Variants in MAP2K6 observed in about 807,000 individuals in gnomAD.
MAP2K6 encodes the protein dual specificity mitogen-activated protein kinase kinase 6.
MAP2K6 carries 16 observed loss-of-function variants against 53.7 expected under a neutral mutation model. The observed-to-expected ratio is 0.30, with a 90% CI of 0.20 to 0.45. MAP2K6 has a LOEUF of 0.45. Ranked by LOEUF, MAP2K6 falls within the 20% of genes least tolerant of loss-of-function variation. The pLI, the probability that MAP2K6 is intolerant of heterozygous loss-of-function variation, is 1.00. For missense variants in MAP2K6, 204 were observed against 411.9 expected (o/e 0.50, Z 4.37); for synonymous variants, 132 against 143.1 (o/e 0.92, Z 0.55).
At chr17:69,453,222 G>A (rs565083160) in intron 1 of MAP2K6, among the ~76,000 whole-genome samples, 107 of 152,340 alleles carry the variant, frequency 7.0e-4, no homozygotes, top group Non-Finnish European at 1.2e-3. Flanking sequence ...AACTAGAGCA[G>A]TGGTCTGAAA....
intron 1 of MAP2K6, among the ~76,000 whole-genome samples, chr17:69,428,374 C>T (rs1288599950): frequency 6.6e-6 from 1 of 152,210 alleles, no homozygotes; most frequent in African/African-American, 2.4e-5. Context: ...ATACTCATAG[C>T]CCAGACTTTG....
intron 1 of MAP2K6, among the ~76,000 whole-genome samples, chr17:69,488,814 T>C (rs1437011771): frequency 6.6e-6 from 1 of 152,192 alleles, no homozygotes; most frequent in Non-Finnish European, 1.5e-5. Context: ...TGTTGGATAC[T>C]GTATTCACTA....
At chr17:69,511,177 A>G (rs1328853045) in intron 2 of MAP2K6, among the ~76,000 whole-genome samples, 2 of 152,224 alleles carry the variant, frequency 1.3e-5, no homozygotes, top group Non-Finnish European at 2.9e-5. Context: ...TATGGTATTA[A>G]TAAGGTATAC....
chr17:69,491,108 T>TTTCCTTCCTTCTTTCC (rs1598287234), intron 1 of MAP2K6, among the ~76,000 whole-genome samples: 2 of 148,844 alleles, frequency 1.3e-5, no homozygotes, highest in African/African-American at 5.1e-5. Flanking sequence ...CATTGTCTTT[T>TTTCCTTCCTTCTTTCC]TTCCTTCCTT....
chr17:69,527,512 A>C (rs370171928), intron 10 of MAP2K6, among the ~76,000 whole-genome samples: 2 of 152,376 alleles, frequency 1.3e-5, no homozygotes, highest in South Asian at 2.1e-4. Flanking sequence ...AGTAATTTCT[A>C]TCTGCATAGA....
intron 1 of MAP2K6, among the ~76,000 whole-genome samples, chr17:69,501,324 G>C (rs1025046639): frequency 2.0e-5 from 3 of 152,114 alleles, no homozygotes; most frequent in Non-Finnish European, 2.9e-5. Flanking sequence ...ATGCTGTTTG[G>C]GTTGGCAGTG....
intron 7 of MAP2K6, 94 bp downstream of exon 7, chr17:69,521,194 A>G: frequency 3.7e-6 from 4 of 1,089,926 alleles, no homozygotes; most frequent in Non-Finnish European, 5.5e-6. Context: ...CATGGGTGGA[A>G]GTAGAATTGA....
intron 2 of MAP2K6, among the ~76,000 whole-genome samples, chr17:69,514,118 A>G (rs1050243452): frequency 1.3e-5 from 2 of 152,142 alleles, no homozygotes; most frequent in Non-Finnish European, 2.9e-5. Flanking sequence ...TAAAAAAAAA[A>G]AAAAAAATCA....
In MAP2K6 at chr17:69,542,783, G is replaced by T. The variant is rs887720336; in HGVS notation, c.*1030G>T. Reference sequence around the variant, plus strand: ...CTGCCATGTGTAAGTTGTAAGGATTGCCTTTGTAGTTAATGTACTCTTTGG... The same window carrying T: ...CTGCCATGTGTAAGTTGTAAGGATTTCCTTTGTAGTTAATGTACTCTTTGG... On this transcript the variant is annotated 3_prime_UTR_variant, in exon 12 of 12. Transcript: ENST00000590474. 22 of 152,148 alleles carry T rather than the reference G, an allele frequency of 1.4e-4. No homozygotes were observed. The highest frequency in any genetic ancestry group is 5.3e-4 in the African/African-American group (22 of 41,414). 9.4% of individuals were successfully genotyped at this position (152,148 alleles called of 1,614,324 possible). A position where few individuals can be genotyped will look rare whatever the true frequency, so the allele number is the denominator to read the frequency against.
chr17:69,477,452 T>C (rs1386670173), intron 1 of MAP2K6: 1 of 152,188 alleles, frequency 6.6e-6, no homozygotes, highest in Non-Finnish European at 1.5e-5. Flanking sequence ...AGTCCAGAGA[T>C]AGAAGGCATC....
At position 69,546,444 on chromosome 17, in the gene MAP2K6, G is replaced by C. The variant is rs146389033; in HGVS notation, c.*4691G>C. The C allele has an allele frequency of 6.6e-6, 1 of 152,308 alleles. No individual in the cohort carries two copies. The highest frequency in any genetic ancestry group is 2.4e-5 in the African/African-American group (1 of 41,570). 9.4% of individuals were successfully genotyped at this position (152,308 alleles called of 1,614,324 possible). On this transcript the variant is annotated 3_prime_UTR_variant, in exon 12 of 12. Coordinates refer to ENST00000590474, the MANE Select transcript of MAP2K6 (RefSeq NM_002758.4). ...GGGAATTATAATCTCAAAGGAGGCA[G>C]AGAGGGGTTAATGTTGCATAATTTA...
chr17:69,481,376 A>G (rs939812522), intron 1 of MAP2K6, among the ~76,000 whole-genome samples: 3 of 152,130 alleles, frequency 2.0e-5, no homozygotes, highest in African/African-American at 4.8e-5. Context: ...TTGTCTTTAT[A>G]TACCATATTT....
At chr17:69,481,786 T>C (rs889339280) in intron 1 of MAP2K6, among the ~76,000 whole-genome samples, 1 of 152,320 alleles carries the variant, frequency 6.6e-6, no homozygotes, top group South Asian at 2.1e-4. Context: ...TTAACTTAGT[T>C]ACCTCTTTAA....
chr17:69,447,139 G>C (rs137869160), intron 1 of MAP2K6, among the ~76,000 whole-genome samples: 116 of 150,894 alleles, frequency 7.7e-4, no homozygotes, highest in African/African-American at 2.7e-3. Flanking sequence ...CACCACGCCT[G>C]GCTAATTTTT....
intron 6 of MAP2K6, chr17:69,520,597 G>A (rs1482570385): frequency 1.9e-6 from 1 of 522,000 alleles, no homozygotes; most frequent in Non-Finnish European, 3.3e-6. Flanking sequence ...CAGACTCTAG[G>A]TTAAATGACT....
chr17:69,508,970 T>G (rs1477349260), intron 2 of MAP2K6, among the ~76,000 whole-genome samples: 4 of 152,260 alleles, frequency 2.6e-5, no homozygotes, highest in African/African-American at 9.6e-5. Context: ...ACTGATTTAT[T>G]TGTCTCTCCC....
chr17:69,541,254 C>T (rs887393001), intron 11 of MAP2K6, among the ~76,000 whole-genome samples: 6 of 151,612 alleles, frequency 4.0e-5, no homozygotes, highest in African/African-American at 1.2e-4. Flanking sequence ...CAGAGCGAGA[C>T]TCCATCTCAA....
chr17:69,519,480 A>G, intron 5 of MAP2K6, 48 bp downstream of exon 5: 1 of 1,611,400 alleles, frequency 6.2e-7, no homozygotes, highest in East Asian at 2.2e-5. Context: ...TAACTTAAAA[A>G]GAAGTTTCTT....
intron 2 of MAP2K6, among the ~76,000 whole-genome samples, chr17:69,508,414 A>G (rs1379346958): frequency 6.6e-6 from 1 of 152,098 alleles, no homozygotes; most frequent in Non-Finnish European, 1.5e-5. Context: ...ATAATGTAGA[A>G]TATGTTTTTA....
Sources: allele counts gnomAD v4.1 joint callset (sites outside exome capture counted in the v4.1 genomes callset), GRCh38; gene constraint gnomAD v4.1.1; transcripts MANE v1.5; gene names NCBI Gene and HGNC (gene_info 2026-07-23, HGNC 2026-07-21).